NREP: variants seen among roughly 807,000 people sequenced by gnomAD.
The protein encoded by NREP is neuronal regeneration-related protein.
Under a neutral mutation model 8.6 loss-of-function variants are expected in NREP, and 5 were observed. The ratio of observed to expected loss-of-function variants is 0.58; its 90% CI spans 0.30 to 1.22. The LOEUF is 1.22. Ranked by LOEUF, NREP falls within the 50% of genes most tolerant of loss-of-function variation. The pLI is 0.07. For synonymous variants in NREP, 27 were observed against 28.0 expected (o/e 0.96, Z 0.11); for missense variants, 86 against 82.5 (o/e 1.04, Z -0.17).
chr5:111,731,045 C>T lies in NREP; in HGVS notation c.83G>A (p.Gly28Glu), dbSNP rs1748505498. The T allele has an allele frequency of 1.2e-6, 2 of 1,613,744 alleles. No homozygotes were observed. Among genetic ancestry groups the T allele is most frequent in the Non-Finnish European group, 8.5e-7 (1 of 1,179,772 alleles). The change falls in exon 4 of 4, where the codon GGA becomes GAA. Residue 28 changes from glycine to glutamate, a missense_variant and splice_region_variant. Coordinates refer to ENST00000257435, the MANE Select transcript of NREP (RefSeq NM_004772.4). ...NKDMEGRLPK[G>E]RLPVPKEVNR... ...CACTTCCTTTGGGACAGGAAGTCTT[C>T]CCTGCAAAGCAGGCAGACCCACACA...
Position 111,799,996 on chromosome 5 carries a change from C to T in NREP, c.136-64489G>A, listed in dbSNP as rs113162487. On this transcript the variant is annotated intron_variant, in intron 2 of 3. Transcript: ENST00000395634. ...GTGCGGTGGTGTGATCTCAGCTCACCGCAACCTCCACCTCCCAGGTTCAAG... is the reference window on the plus strand; with the variant it reads ...GTGCGGTGGTGTGATCTCAGCTCACTGCAACCTCCACCTCCCAGGTTCAAG... Among the ~76,000 whole-genome samples, 1,061 of 152,048 alleles carry T rather than the reference C, an allele frequency of 7.0e-3. 6 individuals carry two copies. Among genetic ancestry groups the T allele is most frequent in the Middle Eastern group, 0.034 (10 of 294 alleles).
chr5:111,947,912 G>A (rs987593116), intron 2 of NREP, among the ~76,000 whole-genome samples: 8 of 152,046 alleles, frequency 5.3e-5, no homozygotes, highest in Middle Eastern at 6.8e-3. Flanking sequence ...AGACTTCTCT[G>A]CCCCATTTAC....
In NREP at chr5:111,948,389, A is replaced by G. The variant is rs545702155; in HGVS notation, c.135+26885T>C. Among the ~76,000 whole-genome samples, 6 of 152,270 alleles carry G rather than the reference A, an allele frequency of 3.9e-5. No homozygotes were observed. The South Asian group carries it at 1.0e-3, about 26-fold the overall frequency. ...TTTTAGAAAAACAACCATGCAAACT[A>G]TATGCCTCATGTCTTCATTGTAACT... On this transcript the variant is annotated intron_variant, in intron 2 of 3. Coordinates refer to the NREP transcript ENST00000395634.
intron 2 of NREP, among the ~76,000 whole-genome samples, chr5:111,798,749 G>T (rs1561670878): frequency 1.4e-5 from 1 of 69,256 alleles, no homozygotes; most frequent in Admixed American, 1.6e-4. Context: ...GTGTGTGTGT[G>T]TGTGTGTGTG....
At chr5:111,826,867 A>C (rs1313364477) in intron 2 of NREP, among the ~76,000 whole-genome samples, 2 of 152,114 alleles carry the variant, frequency 1.3e-5, no homozygotes, top group East Asian at 3.9e-4. Context: ...CCCCCATTTT[A>C]GTGGAAGAAG....
chr5:111,745,638 T>G (rs928031275), intron 2 of NREP, among the ~76,000 whole-genome samples: 1 of 152,174 alleles, frequency 6.6e-6, no homozygotes, highest in South Asian at 2.1e-4. Flanking sequence ...CACTATAACT[T>G]TGCTTTTCGA....
At chr5:111,902,883 G>C (rs187893129) in intron 2 of NREP, among the ~76,000 whole-genome samples, 2 of 151,890 alleles carry the variant, frequency 1.3e-5, no homozygotes, top group African/African-American at 4.8e-5. Flanking sequence ...ATCTGTAAAG[G>C]CACCCATTTT....
At chr5:111,772,705 G>A (rs929354352) in intron 2 of NREP, among the ~76,000 whole-genome samples, 6 of 151,670 alleles carry the variant, frequency 4.0e-5, no homozygotes, top group African/African-American at 4.8e-5. Context: ...CCTTCGACCC[G>A]GGAAAGCAGC....
intron 2 of NREP, among the ~76,000 whole-genome samples, chr5:111,812,363 C>T (rs1312693250): frequency 2.0e-5 from 3 of 152,244 alleles, no homozygotes; most frequent in South Asian, 2.1e-4. Context: ...CTTAGTTTAA[C>T]ATTTACTTTG....
chr5:111,731,069 CACAG>C (rs530015157), intron 3 of NREP, 23 bp from the exon 4 acceptor site: 17 of 1,606,152 alleles, frequency 1.1e-5, no homozygotes, highest in Middle Eastern at 1.7e-4. Context: ...CAGACCCACA[CACAG>C]ACAGACACAC....
At chr5:111,865,895 T>A (rs59902095) in intron 2 of NREP, among the ~76,000 whole-genome samples, 56 of 152,308 alleles carry the variant, frequency 3.7e-4, no homozygotes, top group African/African-American at 1.3e-3. Context: ...TGGAGAAGAC[T>A]ATAAATATAT....
Position 111,848,234 on chromosome 5 carries a change from C to T in NREP, c.136-112727G>A, listed in dbSNP as rs1431576717. Among the ~76,000 whole-genome samples the T allele has an allele frequency of 7.3e-5, 11 of 150,810 alleles. 1 individual carries two copies. The East Asian group carries it at 2.1e-3, about 29-fold the overall frequency. Reference sequence around the variant, plus strand: ...ATATAAATTTAAAAGTTAGTAAGTTCTTTCTTTCACATCAACTATTTTTAG... The same window carrying T: ...ATATAAATTTAAAAGTTAGTAAGTTTTTTCTTTCACATCAACTATTTTTAG... On this transcript the variant is annotated intron_variant, in intron 2 of 3. Coordinates refer to the NREP transcript ENST00000395634.
intron 2 of NREP, among the ~76,000 whole-genome samples, chr5:111,879,385 G>T (rs1339996301): frequency 2.0e-5 from 3 of 152,200 alleles, no homozygotes; most frequent in Non-Finnish European, 2.9e-5. Context: ...CATGAAGCTT[G>T]CATTCTAATG....
intron 2 of NREP, among the ~76,000 whole-genome samples, chr5:111,959,641 C>A (rs1274236528): frequency 1.3e-5 from 2 of 151,786 alleles, no homozygotes; most frequent in African/African-American, 4.8e-5. Context: ...TTGACATGAA[C>A]TTTTAAGACC....
Position 111,898,249 on chromosome 5 carries a change from G to T in NREP, c.135+77025C>A, listed in dbSNP as rs184980469. 1.1e-4 allele frequency among the ~76,000 whole-genome samples: 17 copies of T among 152,226 alleles called. No individual in the cohort carries two copies. In the East Asian group the frequency reaches 3.1e-3, roughly 28 times the overall value. On this transcript the variant is annotated intron_variant, in intron 2 of 3. Transcript: ENST00000395634. The stretch of plus-strand genomic sequence containing the variant: ...CAGGAAAATATGGAAGGAGGCGATT[G>T]CAGTAATAAAGACAAGAGATAAAGA...
chr5:111,943,519 T>C (rs1250323144), intron 2 of NREP, among the ~76,000 whole-genome samples: 3 of 152,110 alleles, frequency 2.0e-5, no homozygotes, highest in Non-Finnish European at 4.4e-5. Context: ...CTTTGTATTA[T>C]AGATGGGCAC....
At chr5:111,788,182 G>A (rs1368629224) in intron 2 of NREP, among the ~76,000 whole-genome samples, 3 of 152,214 alleles carry the variant, frequency 2.0e-5, no homozygotes, top group Non-Finnish European at 4.4e-5. Flanking sequence ...CCAGTGGATT[G>A]TAATGCAACC....
In NREP at chr5:111,804,937, C is replaced by A. The variant is rs184735934; in HGVS notation, c.136-69430G>T. 1.3e-3 allele frequency among the ~76,000 whole-genome samples: 205 copies of A among 152,198 alleles called. 1 individual carries two copies. The Middle Eastern group carries it at 0.014, about 10-fold the overall frequency. ...GATGGCGTGAACCCGGGAGGCAGAG[C>A]TTGCAGTGAGCCGAGATGGCGCCAC... On this transcript the variant is annotated intron_variant, in intron 2 of 3. Transcript: ENST00000395634.
chr5:111,728,832 C>CTCTT (rs1350611774), downstream of NREP: 6 of 152,132 alleles, frequency 3.9e-5, no homozygotes, highest in Non-Finnish European at 1.5e-5. Flanking sequence ...AATTTTTATC[C>CTCTT]TCTTACAAAA....
Sources: gnomAD v4.1 joint callset for allele counts (sites outside exome capture counted in the v4.1 genomes callset) on GRCh38, gnomAD v4.1.1 for gene constraint, MANE v1.5 for transcripts, NCBI Gene and HGNC (gene_info 2026-07-23, HGNC 2026-07-21) for gene names.